Variants in SAMD4A observed in about 807,000 individuals in gnomAD.
The protein encoded by SAMD4A is sterile alpha motif domain containing 4A.
Under a neutral mutation model 81.3 loss-of-function variants are expected in SAMD4A, and 33 were observed. The ratio of observed to expected loss-of-function variants is 0.41; its 90% CI spans 0.31 to 0.54. The LOEUF is 0.54. SAMD4A is among the 20% of genes least tolerant of loss of function. SAMD4A has a pLI of 0.37. For missense variants in SAMD4A, 854 were observed against 951.1 expected (o/e 0.90, Z 1.34); for synonymous variants, 389 against 382.1 (o/e 1.02, Z -0.21).
intron 2 of SAMD4A, among the ~76,000 whole-genome samples, chr14:54,672,810 A>T (rs1015291398): frequency 1.6e-4 from 24 of 152,234 alleles, no homozygotes; most frequent in African/African-American, 5.8e-4. Context: ...TAACATGGGA[A>T]CAATGAAATG....
At chr14:54,566,204 G>A (rs963696117), upstream of SAMD4A, among the ~76,000 whole-genome samples, 3 of 151,344 alleles carry the variant, frequency 2.0e-5, no homozygotes, top group Non-Finnish European at 3.0e-5. Context: ...CCGCCCCGAC[G>A]GCATGGCCCG....
intron 11 of SAMD4A, among the ~76,000 whole-genome samples, chr14:54,782,207 C>T (rs2039015169): frequency 6.6e-6 from 1 of 152,210 alleles, no homozygotes; most frequent in Non-Finnish European, 1.5e-5. Context: ...AGCTGAAACA[C>T]TTCTCTCCAA....
rs752365264 is a variant in SAMD4A, at chr14:54,702,122, A to G, written c.257A>G (p.His86Arg). Residue 86 changes from histidine (H) to arginine (R), a missense_variant, in exon 3 of 13, where the codon CAT becomes CGT. Transcript: ENST00000554335. ...AAAGTGATTTCCCTCCTGTTAACTC[A>G]TCTGCCTTTGCTGAAGCCAGGAAAC... is the stretch of plus-strand genomic sequence containing the variant. ...KDKVISLLLTHLPLLKPGNLD... is the reference protein window; with the variant it reads ...KDKVISLLLTRLPLLKPGNLD... 1.3e-5 allele frequency: 21 copies of G among 1,614,170 alleles called. No individual in the cohort carries two copies. The highest frequency in any genetic ancestry group is 1.7e-5 in the Non-Finnish European group (20 of 1,180,008).
At chr14:54,722,316 G>A (rs1040943611) in intron 3 of SAMD4A, among the ~76,000 whole-genome samples, 2 of 152,122 alleles carry the variant, frequency 1.3e-5, no homozygotes, top group Non-Finnish European at 2.9e-5. Flanking sequence ...AGATGTGACA[G>A]CTTTGGTTCT....
chr14:54,740,783 C>T (rs564394133), intron 4 of SAMD4A, among the ~76,000 whole-genome samples: 14 of 152,196 alleles, frequency 9.2e-5, no homozygotes, highest in Non-Finnish European at 1.8e-4. Context: ...CCCAAGCAGA[C>T]CAGCTCCTAC....
At chr14:54,708,889 G>A (rs1317035393) in intron 3 of SAMD4A, among the ~76,000 whole-genome samples, 1 of 152,190 alleles carries the variant, frequency 6.6e-6, no homozygotes, top group African/African-American at 2.4e-5. Flanking sequence ...AGGTAAGAGG[G>A]AGACAAACTG....
At chr14:54,773,370 C>G (rs984979096) in intron 9 of SAMD4A, among the ~76,000 whole-genome samples, 2 of 152,208 alleles carry the variant, frequency 1.3e-5, no homozygotes, top group African/African-American at 4.8e-5. Context: ...TGGTACAAAC[C>G]TCCCCTGTGT....
chr14:54,680,762 C>T (rs1040481217), intron 2 of SAMD4A, among the ~76,000 whole-genome samples: 1 of 152,116 alleles, frequency 6.6e-6, no homozygotes, highest in African/African-American at 2.4e-5. Flanking sequence ...GTAAAAGAAA[C>T]CTCATGTTAA....
At position 54,663,071 on chromosome 14, in the gene SAMD4A, G is replaced by A. The variant is rs539749594; in HGVS notation, c.197-38991G>A. On this transcript the variant is annotated intron_variant, in intron 2 of 12. Coordinates refer to ENST00000554335, the MANE Select transcript of SAMD4A (RefSeq NM_015589.6). ...TGAAGTTGGACATAACAGGATGAGA[G>A]AGAAGTGACTGAAACTGATTAAGAA... Among the ~76,000 whole-genome samples, 3 of 152,326 alleles carry A rather than the reference G, an allele frequency of 2.0e-5. No individual in the cohort carries two copies. The East Asian group carries it at 5.8e-4, about 29-fold the overall frequency.
intron 4 of SAMD4A, among the ~76,000 whole-genome samples, chr14:54,740,588 A>G (rs760421187): frequency 7.9e-5 from 12 of 152,154 alleles, no homozygotes; most frequent in East Asian, 3.9e-4. Flanking sequence ...CCTTCCTTTC[A>G]TCTAGCTAGA....
At chr14:54,573,119 A>C (rs2033181135) in intron 2 of SAMD4A, among the ~76,000 whole-genome samples, 1 of 152,168 alleles carries the variant, frequency 6.6e-6, no homozygotes, top group African/African-American at 2.4e-5. Context: ...AGCACTTTTC[A>C]CTTAGGGTTT....
At chr14:54,658,644 T>C (rs2140455077) in intron 2 of SAMD4A, among the ~76,000 whole-genome samples, 1 of 152,304 alleles carries the variant, frequency 6.6e-6, no homozygotes, top group Admixed American at 6.5e-5. Context: ...GCCACTGTCA[T>C]TGACTTCTCT....
At chr14:54,621,245 C>G (rs546231880) in intron 2 of SAMD4A, among the ~76,000 whole-genome samples, 3 of 152,220 alleles carry the variant, frequency 2.0e-5, no homozygotes, top group African/African-American at 7.2e-5. Flanking sequence ...TCTTCCCTCA[C>G]TGGCACTCAC....
At chr14:54,581,969 T>C (rs1475282569) in intron 2 of SAMD4A, among the ~76,000 whole-genome samples, 4 of 152,266 alleles carry the variant, frequency 2.6e-5, no homozygotes, top group Non-Finnish European at 4.4e-5. Context: ...GTCATTGTTC[T>C]TTGTTGTTAT....
At chr14:54,765,322 T>C (rs2038507664) in intron 8 of SAMD4A, among the ~76,000 whole-genome samples, 1 of 151,868 alleles carries the variant, frequency 6.6e-6, no homozygotes, top group Admixed American at 6.5e-5. Flanking sequence ...GATTTCGATG[T>C]GAGAATAAGA....
intron 2 of SAMD4A, among the ~76,000 whole-genome samples, chr14:54,569,987 C>T (rs1047966399): frequency 6.6e-5 from 10 of 152,162 alleles, no homozygotes; most frequent in Non-Finnish European, 1.5e-4. Flanking sequence ...TTTGAAGTCA[C>T]TTGGCATTTT....
At chr14:54,623,452 C>T (rs2034665326) in intron 2 of SAMD4A, among the ~76,000 whole-genome samples, 1 of 123,846 alleles carries the variant, frequency 8.1e-6, no homozygotes, top group Non-Finnish European at 1.6e-5. Flanking sequence ...ACTGTGATGA[C>T]CCCTCTGTTA....
chr14:54,654,000 T>C (rs1299721882), intron 2 of SAMD4A, among the ~76,000 whole-genome samples: 1 of 152,220 alleles, frequency 6.6e-6, no homozygotes. Context: ...CAACTGAGTC[T>C]TCAGTGTGTC....
intron 2 of SAMD4A, among the ~76,000 whole-genome samples, chr14:54,625,840 A>G (rs146870958): frequency 6.6e-6 from 1 of 152,088 alleles, no homozygotes; most frequent in East Asian, 1.9e-4. Context: ...TCCCTACTTC[A>G]TTTCCCCCAT....
Sources: allele counts gnomAD v4.1 joint callset (sites outside exome capture counted in the v4.1 genomes callset), GRCh38; gene constraint gnomAD v4.1.1; transcripts MANE v1.5; gene names NCBI Gene and HGNC (gene_info 2026-07-23, HGNC 2026-07-21).